Variants in PTPRN2 observed in about 807,000 individuals in gnomAD.
The protein encoded by PTPRN2 is receptor-type tyrosine-protein phosphatase N2.
A neutral mutation model predicts 118.8 loss-of-function variants in PTPRN2; 74 were observed. The observed-to-expected ratio is 0.62, with a 90% confidence interval of 0.52 to 0.76. PTPRN2 has a LOEUF of 0.76. Ranked by LOEUF, PTPRN2 falls within the 30% of genes least tolerant of loss-of-function variation. The probability of loss-of-function intolerance (pLI) is 0.00; values close to 1 mark genes in which losing one functional copy is unlikely to be tolerated. For synonymous variants in PTPRN2, 641 were observed against 608.0 expected (o/e 1.05, Z -0.80); for missense variants, 1,481 against 1,394.4 (o/e 1.06, Z -0.99).
intron 12 of PTPRN2, among the ~76,000 whole-genome samples, chr7:157,744,138 C>T (rs546614150): frequency 8.5e-5 from 13 of 152,170 alleles, no homozygotes; most frequent in Non-Finnish European, 1.6e-4. Flanking sequence ...GGTGCTACTA[C>T]GTGCTAGGTT....
chr7:157,572,526 T>C (rs1799805521), intron 19 of PTPRN2, among the ~76,000 whole-genome samples: 1 of 152,166 alleles, frequency 6.6e-6, no homozygotes, highest in South Asian at 2.1e-4. Context: ...AGGGTGGCTG[T>C]GGAAGGAGAG....
intron 10 of PTPRN2, among the ~76,000 whole-genome samples, chr7:158,096,274 G>T (rs1432687606): frequency 6.6e-6 from 1 of 152,146 alleles, no homozygotes; most frequent in Non-Finnish European, 1.5e-5. Flanking sequence ...AGCAAAGCAT[G>T]AACCATGTGT....
chr7:158,268,795 C>T (rs1340714845), intron 3 of PTPRN2, among the ~76,000 whole-genome samples: 3 of 127,412 alleles, frequency 2.4e-5, no homozygotes, highest in East Asian at 4.8e-4. Context: ...ACACACAGGG[C>T]GGGTGTGAAA....
At chr7:157,826,839 A>G (rs1807206323) in intron 12 of PTPRN2, among the ~76,000 whole-genome samples, 2 of 152,132 alleles carry the variant, frequency 1.3e-5, no homozygotes, top group Non-Finnish European at 2.9e-5. Flanking sequence ...GTCATGGGGC[A>G]ATGGGGAGCC....
chr7:158,169,088 G>C (rs1823288882), intron 5 of PTPRN2, among the ~76,000 whole-genome samples: 1 of 152,188 alleles, frequency 6.6e-6, no homozygotes, highest in Non-Finnish European at 1.5e-5. Context: ...CTCGGCACTA[G>C]CTAAGGGTGT....
rs116591202 is a variant in PTPRN2, at chr7:157,628,981, C to T, written c.2197-7472G>A. ...TAAGAGACTATGTGACACTAAACTGCTAGTTAACAAGGACAATTTCTCCGG... is the reference window on the plus strand; with the variant it reads ...TAAGAGACTATGTGACACTAAACTGTTAGTTAACAAGGACAATTTCTCCGG... On this transcript the variant is annotated intron_variant, in intron 14 of 22. Transcript: ENST00000389418. 3.2e-3 allele frequency among the ~76,000 whole-genome samples: 491 copies of T among 152,234 alleles called. 4 individuals carry two copies. The highest frequency in any genetic ancestry group is 0.011 in the African/African-American group (475 of 41,554).
intron 2 of PTPRN2, among the ~76,000 whole-genome samples, chr7:158,431,246 C>T (rs1458141987): frequency 6.7e-6 from 1 of 150,242 alleles, no homozygotes; most frequent in Non-Finnish European, 1.5e-5. Flanking sequence ...TGGGCTCACA[C>T]TGGCTCACAC....
Position 158,163,511 on chromosome 7 carries a change from CTTCTT to C in PTPRN2, c.910+3415_910+3419del, listed in dbSNP as rs1013959015. Among the ~76,000 whole-genome samples, 10 of 146,930 alleles carry C rather than the reference CTTCTT, an allele frequency of 6.8e-5. 1 individual carries two copies. The South Asian group carries it at 2.0e-3, about 29-fold the overall frequency. ...ACCTGTACGGGGTTCTCAATTCTCT[CTTCTT>C]ATTTCATAGGTGATCAATATTCTCT... is the stretch of plus-strand genomic sequence containing the variant. On this transcript the variant is annotated intron_variant, in intron 6 of 22. Transcript: ENST00000389418.
rs142336170 is a variant in PTPRN2 at position 157,908,557 on chromosome 7, T to C, written c.1724-9820A>G. ...AGCTCTAGAAGTACTCACGGACAAATGTGGAGGCGCCCCGCAGCACCCCAC... is the reference window on the plus strand; with the variant it reads ...AGCTCTAGAAGTACTCACGGACAAACGTGGAGGCGCCCCGCAGCACCCCAC... On this transcript the variant is annotated intron_variant, in intron 11 of 22. Transcript: ENST00000389418. 2.2e-4 allele frequency among the ~76,000 whole-genome samples: 33 copies of C among 152,320 alleles called. No individual in the cohort carries two copies. The East Asian group carries it at 6.4e-3, about 29-fold the overall frequency.
At chr7:158,327,920 C>T (rs1803786654) in intron 2 of PTPRN2, among the ~76,000 whole-genome samples, 1 of 152,154 alleles carries the variant, frequency 6.6e-6, no homozygotes, top group African/African-American at 2.4e-5. Flanking sequence ...GCCCACTGCT[C>T]CATCAGGGTC....
Position 158,136,711 on chromosome 7 carries a change from G to C in PTPRN2, c.1133-16C>G. On this transcript the variant is annotated splice_polypyrimidine_tract_variant and intron_variant, in intron 7 of 22. Coordinates refer to ENST00000389418, the MANE Select transcript of PTPRN2 (RefSeq NM_002847.5). ...ACTCCGTCATCTGTAAAAGACACCA[G>C]TGTTACCAAGACCCTCATCAAGAAT... 6.2e-7 allele frequency: 1 copy of C among 1,613,156 alleles called. No individual in the cohort carries two copies. The highest frequency in any genetic ancestry group is 8.5e-7 in the Non-Finnish European group (1 of 1,179,224).
intron 11 of PTPRN2, among the ~76,000 whole-genome samples, chr7:157,984,616 C>T (rs927092601): frequency 2.6e-5 from 4 of 152,232 alleles, no homozygotes; most frequent in African/African-American, 7.2e-5. Flanking sequence ...GTTCCCGCCG[C>T]GCCCTCCATG....
At chr7:158,562,537 C>T (rs1385171827) in intron 1 of PTPRN2, among the ~76,000 whole-genome samples, 1 of 152,168 alleles carries the variant, frequency 6.6e-6, no homozygotes, top group African/African-American at 2.4e-5. Context: ...AAATGCAAAT[C>T]AATGCAGCGA....
chr7:158,485,364 C>T (rs1160833483), intron 2 of PTPRN2, among the ~76,000 whole-genome samples: 4 of 134,552 alleles, frequency 3.0e-5, no homozygotes, highest in Non-Finnish European at 6.5e-5. Flanking sequence ...TCCTGCTCGG[C>T]CACCCCTCTC....
At chr7:158,496,270 C>T (rs1294116503) in intron 1 of PTPRN2, among the ~76,000 whole-genome samples, 1 of 132,598 alleles carries the variant, frequency 7.5e-6, no homozygotes, top group Non-Finnish European at 1.6e-5. Context: ...TTCCCTGCAC[C>T]CCCTCCCCTT....
chr7:158,270,744 G>A (rs1798268943), intron 3 of PTPRN2, among the ~76,000 whole-genome samples: 1 of 149,364 alleles, frequency 6.7e-6, no homozygotes, highest in African/African-American at 2.6e-5. Flanking sequence ...CTCTACCTGA[G>A]CCGTCTTCTC....
At chr7:158,274,177 A>G (rs1586085086) in intron 3 of PTPRN2, among the ~76,000 whole-genome samples, 1 of 87,190 alleles carries the variant, frequency 1.1e-5, no homozygotes, top group African/African-American at 4.9e-5. Context: ...CAGACACAGG[A>G]GGAGACACAC....
intron 1 of PTPRN2, among the ~76,000 whole-genome samples, chr7:158,550,058 C>T (rs1170814901): frequency 6.6e-6 from 1 of 152,204 alleles, no homozygotes; most frequent in East Asian, 1.9e-4. Flanking sequence ...ATGGGGCTTT[C>T]ACACGAGAGC....
chr7:157,748,749 G>A (rs1481279933), intron 12 of PTPRN2, among the ~76,000 whole-genome samples: 2 of 128,198 alleles, frequency 1.6e-5, no homozygotes, highest in Admixed American at 7.3e-5. Flanking sequence ...GGCTGTCCGG[G>A]TGATTCTGAG....
Sources: allele counts gnomAD v4.1 joint callset (sites outside exome capture counted in the v4.1 genomes callset), GRCh38; gene constraint gnomAD v4.1.1; transcripts MANE v1.5; gene names NCBI Gene and HGNC (gene_info 2026-07-23, HGNC 2026-07-21).